The following ABCC2 variants were observed in gnomAD, a reference collection of about 807,000 sequenced individuals.
ABCC2 encodes the protein ATP-binding cassette sub-family C member 2.
A neutral mutation model predicts 173.4 loss-of-function variants in ABCC2; 157 were observed. That is an observed-to-expected ratio of 0.91 (90% CI 0.80 to 1.03). ABCC2 has a LOEUF of 1.03. ABCC2 is among the 50% of genes least tolerant of loss of function. The probability of loss-of-function intolerance (pLI) is 0.00; values close to 1 mark genes in which losing one functional copy is unlikely to be tolerated. For synonymous variants in ABCC2, 657 were observed against 693.5 expected (o/e 0.95, Z 0.83); for missense variants, 1,822 against 1,852.3 (o/e 0.98, Z 0.30).
chr10:99,803,060 C>T (rs1422413689), intron 9 of ABCC2, among the ~76,000 whole-genome samples: 2 of 152,308 alleles, frequency 1.3e-5, no homozygotes, highest in East Asian at 1.9e-4. Flanking sequence ...CCTCCGCCTT[C>T]CAGGTTCTAG....
chr10:99,834,800 C>T (rs1024746083), intron 24 of ABCC2, among the ~76,000 whole-genome samples: 14 of 152,176 alleles, frequency 9.2e-5, no homozygotes, highest in African/African-American at 3.1e-4. Context: ...TTAGGTCGGA[C>T]AGATTTACGT....
Position 99,784,727 on chromosome 10 carries a change from G to A in ABCC2, c.153G>A (p.Val51=). The A allele has an allele frequency of 6.2e-7, 1 of 1,614,154 alleles. No homozygotes were observed. The highest frequency in any genetic ancestry group is 2.2e-5 in the East Asian group (1 of 44,872). The stretch of plus-strand genomic sequence containing the variant: ...TGGCCCCCTGGCAGCTTCTCCACGT[G>A]TATAAATCCAGGACCAAGAGATCCT... ...WLLAPWQLLH[V]YKSRTKRSST... is the part of the protein sequence containing the mutation. The change falls in exon 2 of 32, where the codon GTG becomes GTA. Residue 51 remains valine (V), a synonymous_variant. Transcript: ENST00000647814.
At chr10:99,787,362 T>A (rs1699634119) in intron 2 of ABCC2, among the ~76,000 whole-genome samples, 3 of 152,222 alleles carry the variant, frequency 2.0e-5, no homozygotes, top group Admixed American at 2.0e-4. Context: ...AATATGGTTC[T>A]TTTTTGATTG....
At chr10:99,831,520 A>G in intron 21 of ABCC2, 91 bp from the exon 22 acceptor site, 1 of 1,263,266 alleles carries the variant, frequency 7.9e-7, no homozygotes, top group Non-Finnish European at 1.2e-6. Flanking sequence ...CTCCCAGGGG[A>G]CTCCACTTCT....
chr10:99,832,583 A>G (rs977554262), intron 23 of ABCC2, among the ~76,000 whole-genome samples: 1 of 152,224 alleles, frequency 6.6e-6, no homozygotes, highest in Non-Finnish European at 1.5e-5. Flanking sequence ...CTGCAGAGGA[A>G]GGAACATAAA....
chr10:99,819,927 G>A (rs893722367), intron 19 of ABCC2, among the ~76,000 whole-genome samples: 1 of 152,168 alleles, frequency 6.6e-6, no homozygotes, highest in African/African-American at 2.4e-5. Flanking sequence ...CCTGTGCATT[G>A]GTCTGGTTAT....
At chr10:99,808,558 C>T (rs1339231999) in intron 13 of ABCC2, among the ~76,000 whole-genome samples, 1 of 152,096 alleles carries the variant, frequency 6.6e-6, no homozygotes, top group Non-Finnish European at 1.5e-5. Context: ...TTCTCCAAGG[C>T]TCTTGAGGTG....
Position 99,843,879 on chromosome 10 carries a change from G to T in ABCC2, c.3822G>T (p.Glu1274Asp). The T allele has an allele frequency of 6.2e-7, 1 of 1,614,098 alleles. No individual in the cohort carries two copies. Among genetic ancestry groups the T allele is most frequent in the South Asian group, 1.1e-5 (1 of 91,084 alleles). Reference protein sequence around the residue: ...TNIVAVERITEYTKVENEAPW... With the variant: ...TNIVAVERITDYTKVENEAPW... ...TTGTGGCTGTTGAGCGAATAACTGA[G>T]TACACAAAAGTGGAAAATGAGGTAA... Residue 1274 changes from glutamate to aspartate, a missense_variant, in exon 27 of 32, where the codon GAG (glutamate) becomes GAT (aspartate). Physicochemically the swap from Glu to Asp is conservative, Grantham distance 45. Coordinates refer to ENST00000647814, the MANE Select transcript of ABCC2 (RefSeq NM_000392.5).
intron 1 of ABCC2, among the ~76,000 whole-genome samples, chr10:99,783,198 A>G (rs2037644884): frequency 1.3e-5 from 2 of 152,222 alleles, no homozygotes; most frequent in Admixed American, 1.3e-4. Flanking sequence ...GTTGTTGCAT[A>G]CTTTGCTAGT....
intron 30 of ABCC2, among the ~76,000 whole-genome samples, chr10:99,848,476 A>G (rs757066547): frequency 4.6e-5 from 7 of 152,140 alleles, no homozygotes; most frequent in Non-Finnish European, 7.4e-5. Flanking sequence ...CAGTGGTGGT[A>G]GGCAGGGAAT....
At chr10:99,841,103 A>T (rs1010927933) in intron 25 of ABCC2, among the ~76,000 whole-genome samples, 2 of 151,822 alleles carry the variant, frequency 1.3e-5, no homozygotes, top group Non-Finnish European at 2.9e-5. Flanking sequence ...ACTTCCTTTC[A>T]CCCTCAGCTT....
intron 4 of ABCC2, 38 bp downstream of exon 4, chr10:99,793,723 A>G (rs1357914576): frequency 5.0e-6 from 8 of 1,613,594 alleles, no homozygotes; most frequent in Non-Finnish European, 6.8e-6. Flanking sequence ...AGGAGGTACC[A>G]TGGGGCAACC....
intron 25 of ABCC2, among the ~76,000 whole-genome samples, chr10:99,838,418 C>A (rs1165962690): frequency 9.9e-5 from 12 of 121,752 alleles, no homozygotes; most frequent in South Asian, 2.8e-4. Context: ...GGCGGCTGGC[C>A]GGGCGGGGGG....
chr10:99,852,016 C>G lies in ABCC2; in HGVS notation c.*385C>G, dbSNP rs542480788. ...TGCATACATCTTCTATGACTTGATTCTTTTGTTCAATATTATATCTGAGAT... is the reference window on the plus strand; with the variant it reads ...TGCATACATCTTCTATGACTTGATTGTTTTGTTCAATATTATATCTGAGAT... On this transcript the variant is annotated 3_prime_UTR_variant, in exon 32 of 32. Transcript: ENST00000647814. 2 of 179,052 alleles carry G rather than the reference C, an allele frequency of 1.1e-5. No individual in the cohort carries two copies. Among genetic ancestry groups the G allele is most frequent in the East Asian group, 3.0e-4 (2 of 6,608 alleles). The allele number at this position is 179,052 out of a possible 1,614,324, so 11.1% of individuals were successfully genotyped here.
At chr10:99,846,908 G>A (rs1337333061) in intron 29 of ABCC2, 53 bp from the exon 30 acceptor site, 15 of 1,609,742 alleles carry the variant, frequency 9.3e-6, no homozygotes, top group Middle Eastern at 1.7e-4. Flanking sequence ...GAGGAACTCC[G>A]AGGTCCTTTT....
chr10:99,831,767 G>A lies in ABCC2; in HGVS notation c.3040G>A (p.Asp1014Asn), dbSNP rs773188597. The part of the protein sequence containing the change: ...TSDSKIFNST[D>N]YPASQRDMRV... Reference sequence around the variant, plus strand: ...TGACTCTAAAATCTTCAATAGCACCGACTATCCAGCATCTCAGAGGGACAT... The same window carrying A: ...TGACTCTAAAATCTTCAATAGCACCAACTATCCAGCATCTCAGAGGGACAT... The change falls in exon 22 of 32, where the codon GAC (aspartate) becomes AAC (asparagine). Residue 1014 changes from aspartate to asparagine, a missense_variant. Asp to Asn is a conservative substitution (Grantham distance 23). Transcript: ENST00000647814. 28 of 1,614,118 alleles carry A rather than the reference G, an allele frequency of 1.7e-5. No homozygotes were observed. Among genetic ancestry groups the A allele is most frequent in the South Asian group, 2.2e-5 (2 of 91,078 alleles).
chr10:99,794,090 C>T (rs552051545), intron 5 of ABCC2, 91 bp downstream of exon 5: 35 of 1,238,308 alleles, frequency 2.8e-5, no homozygotes, highest in African/African-American at 1.2e-4. Flanking sequence ...CTCACGGAGG[C>T]GCCACAAGCC....
At chr10:99,814,167 A>ATGTGTG (rs1564683357) in intron 16 of ABCC2, among the ~76,000 whole-genome samples, 1 of 33,844 alleles carries the variant, frequency 3.0e-5, no homozygotes, top group Non-Finnish European at 6.3e-5. Flanking sequence ...ACACACGTAT[A>ATGTGTG]TATACACACA....
Position 99,793,928 on chromosome 10 carries a change from T to C in ABCC2, c.505T>C (p.Phe169Leu). The C allele has an allele frequency of 6.2e-7, 1 of 1,614,064 alleles. No homozygotes were observed. Among genetic ancestry groups the C allele is most frequent in the Non-Finnish European group, 8.5e-7 (1 of 1,179,958 alleles). ...NSNLAYSCLF[F>L]ISYGFQILIL... ...TAATCTAGCCTACTCCTGCCTGTTC[T>C]TCATCTCCTACGGATTCCAGATCCT... is the stretch of plus-strand genomic sequence containing the variant. The change falls in exon 5 of 32, where the codon TTC becomes CTC. Residue 169 changes from phenylalanine to leucine, a missense_variant. Coordinates refer to ENST00000647814, the MANE Select transcript of ABCC2 (RefSeq NM_000392.5).
Sources: gnomAD v4.1 joint callset for allele counts (sites outside exome capture counted in the v4.1 genomes callset) on GRCh38, gnomAD v4.1.1 for gene constraint, MANE v1.5 for transcripts, NCBI Gene and HGNC (gene_info 2026-07-23, HGNC 2026-07-21) for gene names.